STPG2: variants seen among roughly 807,000 people sequenced by gnomAD.
STPG2 encodes sperm tail PG-rich repeat containing 2, also known as sperm-tail PG-rich repeat-containing protein 2.
Under a neutral mutation model 54.2 loss-of-function variants are expected in STPG2, and 56 were observed. That is an observed-to-expected ratio of 1.03 (90% CI 0.83 to 1.29). The LOEUF (loss-of-function observed/expected upper bound fraction) is 1.29, where lower values mean the gene tolerates loss of function less well. Ranked by LOEUF, STPG2 falls within the 50% of genes most tolerant of loss-of-function variation. The pLI, the probability that STPG2 is intolerant of heterozygous loss-of-function variation, is 0.00. For synonymous variants in STPG2, 200 were observed against 181.8 expected (o/e 1.10, Z -0.81); for missense variants, 596 against 544.9 (o/e 1.09, Z -0.93).
intron 9 of STPG2, among the ~76,000 whole-genome samples, chr4:97,830,304 C>T (rs1219681200): frequency 6.6e-6 from 1 of 152,076 alleles, no homozygotes; most frequent in East Asian, 1.9e-4. Flanking sequence ...AAATAAAATC[C>T]ATTAAAGACA....
chr4:97,554,971 G>A (rs1732045088), downstream of STPG2, among the ~76,000 whole-genome samples: 1 of 152,098 alleles, frequency 6.6e-6, no homozygotes, highest in South Asian at 2.1e-4. Context: ...AGACACAAAA[G>A]AAGCTCTGAA....
chr4:97,530,628 A>G lies in STPG2; in HGVS notation c.462+182071T>C, dbSNP rs151265524. 3.2e-4 allele frequency among the ~76,000 whole-genome samples: 49 copies of G among 152,336 alleles called. No individual in the cohort carries two copies. The East Asian group carries it at 9.5e-3, about 29-fold the overall frequency. On this transcript the variant is annotated intron_variant, in intron 4 of 4. Coordinates refer to the STPG2 transcript ENST00000522676. ...GTAAGATGGTGGAGTAGAAGCTCAC[A>G]CCAAATTTTCACAACTATCTGCACT...
At chr4:97,991,352 A>ATG (rs1047714395) in intron 5 of STPG2, among the ~76,000 whole-genome samples, 2 of 150,384 alleles carry the variant, frequency 1.3e-5, no homozygotes, top group Non-Finnish European at 1.5e-5. Flanking sequence ...GTGTGTATAT[A>ATG]TGTGTGTGTG....
intron 8 of STPG2, among the ~76,000 whole-genome samples, chr4:97,862,329 A>G (rs547914975): frequency 6.6e-6 from 1 of 152,262 alleles, no homozygotes; most frequent in South Asian, 2.1e-4. Context: ...TAAACCAACA[A>G]AGATCAAAAG....
chr4:97,637,675 C>G (rs1458368609), intron 10 of STPG2, among the ~76,000 whole-genome samples: 1 of 152,142 alleles, frequency 6.6e-6, no homozygotes. Context: ...GTGCAAAAAT[C>G]ACAAGCATTC....
At chr4:97,577,597 G>T (rs1185658915) in intron 10 of STPG2, among the ~76,000 whole-genome samples, 1 of 152,076 alleles carries the variant, frequency 6.6e-6, no homozygotes, top group Admixed American at 6.6e-5. Flanking sequence ...AGTGAGGGAG[G>T]TGGTAAGGAC....
At chr4:98,002,822 T>C (rs1735452977) in intron 5 of STPG2, among the ~76,000 whole-genome samples, 2 of 152,222 alleles carry the variant, frequency 1.3e-5, no homozygotes, top group Admixed American at 6.5e-5. Context: ...CACTCATTAA[T>C]GGGTAATTAG....
At chr4:98,033,103 A>T (rs1553935433) in intron 5 of STPG2, among the ~76,000 whole-genome samples, 1 of 141,158 alleles carries the variant, frequency 7.1e-6, no homozygotes, top group Non-Finnish European at 1.6e-5. Flanking sequence ...AGCAGAACTG[A>T]AGAAGATAGA....
intron 9 of STPG2, among the ~76,000 whole-genome samples, chr4:97,796,243 G>A: frequency 6.6e-6 from 1 of 152,164 alleles, no homozygotes; most frequent in Non-Finnish European, 1.5e-5. Flanking sequence ...TGTTGCCATT[G>A]CTTTTGATGT....
intron 6 of STPG2, among the ~76,000 whole-genome samples, chr4:97,975,707 C>T (rs28615369): frequency 0.26 from 39,968 of 151,986 alleles, 5,708 homozygotes; most frequent in Middle Eastern, 0.36. Context: ...TTAATTAGTC[C>T]TGCCACTAAA....
In STPG2 at chr4:98,128,441, TA is replaced by T. The variant is rs1312819810; in HGVS notation, c.373del (p.Tyr125ThrfsTer12). 6.2e-7 allele frequency: 1 copy of T among 1,603,546 alleles called. No individual in the cohort carries two copies. The highest frequency in any genetic ancestry group is 1.1e-5 in the South Asian group (1 of 88,120). On this transcript the variant is annotated frameshift_variant, in exon 3 of 11. Coordinates refer to ENST00000295268, the MANE Select transcript of STPG2 (RefSeq NM_174952.3). LOFTEE classifies it high-confidence loss of function. ...ACDSTLGPAY[Y>X]KPQFDVSNAT... Reference sequence around the variant, plus strand: ...CATTATACTTACAAATTGAGGTTTGTAGTATGCTGGACCAAGTGTACTGTCA... The same window carrying T: ...CATTATACTTACAAATTGAGGTTTGTGTATGCTGGACCAAGTGTACTGTCA...
At chr4:98,048,130 T>A (rs1251249572) in intron 5 of STPG2, among the ~76,000 whole-genome samples, 1 of 152,152 alleles carries the variant, frequency 6.6e-6, no homozygotes, top group Non-Finnish European at 1.5e-5. Context: ...ATAAATATCC[T>A]GGGGAATGTA....
intron 7 of STPG2, among the ~76,000 whole-genome samples, chr4:97,951,910 G>A (rs746074454): frequency 1.3e-5 from 2 of 152,116 alleles, no homozygotes; most frequent in Non-Finnish European, 2.9e-5. Context: ...CCTTGACAGA[G>A]CTGGCTGGAG....
chr4:97,777,155 C>A (rs1295522492), intron 9 of STPG2, among the ~76,000 whole-genome samples: 2 of 152,034 alleles, frequency 1.3e-5, no homozygotes, highest in Admixed American at 1.3e-4. Context: ...CTGAAAAATC[C>A]ATCCAAGAAA....
intron 9 of STPG2, among the ~76,000 whole-genome samples, chr4:97,737,255 T>C (rs926573229): frequency 4.6e-5 from 7 of 151,984 alleles, no homozygotes; most frequent in Non-Finnish European, 7.4e-5. Flanking sequence ...ACCACAAAGA[T>C]GTGGAAAAAA....
At chr4:97,907,377 C>T (rs1335274617) in intron 8 of STPG2, among the ~76,000 whole-genome samples, 1 of 152,166 alleles carries the variant, frequency 6.6e-6, no homozygotes, top group Admixed American at 6.5e-5. Flanking sequence ...AAGATACAAA[C>T]AAATGGAAGA....
intron 3 of STPG2, among the ~76,000 whole-genome samples, chr4:98,126,701 T>C (rs1403021438): frequency 6.6e-6 from 1 of 152,204 alleles, no homozygotes; most frequent in East Asian, 1.9e-4. Flanking sequence ...CATCTTCAGC[T>C]AGTGTTTAAT....
chr4:97,554,184 C>A (rs972770148), downstream of STPG2, among the ~76,000 whole-genome samples: 15 of 152,240 alleles, frequency 9.9e-5, no homozygotes, highest in Non-Finnish European at 2.9e-5. Flanking sequence ...TCTTCCTCCT[C>A]AAAAGAAAGG....
At chr4:97,903,728 G>A (rs1731271347) in intron 8 of STPG2, among the ~76,000 whole-genome samples, 1 of 152,164 alleles carries the variant, frequency 6.6e-6, no homozygotes, top group Non-Finnish European at 1.5e-5. Flanking sequence ...GTGGGCGCAG[G>A]TCAGTGGGTG....
Sources: gnomAD v4.1 joint callset for allele counts (sites outside exome capture counted in the v4.1 genomes callset) on GRCh38, gnomAD v4.1.1 for gene constraint, MANE v1.5 for transcripts, NCBI Gene and HGNC (gene_info 2026-07-23, HGNC 2026-07-21) for gene names.